CDH18: variants seen among roughly 807,000 people sequenced by gnomAD.
CDH18 encodes cadherin 18.
A neutral mutation model predicts 67.9 loss-of-function variants in CDH18; 31 were observed. The ratio of observed to expected loss-of-function variants is 0.46; its 90% CI spans 0.34 to 0.62. The LOEUF (loss-of-function observed/expected upper bound fraction) is 0.62, where lower values mean the gene tolerates loss of function less well. Ranked by LOEUF, CDH18 falls within the 20% of genes least tolerant of loss-of-function variation. CDH18 has a pLI of 0.01. For synonymous variants in CDH18, 362 were observed against 347.2 expected, an observed-to-expected ratio of 1.04 and a Z score of -0.48; for missense variants, 890 against 975.5, an observed-to-expected ratio of 0.91 and a Z score of 1.17.
intron 1 of CDH18, among the ~76,000 whole-genome samples, chr5:20,419,351 AC>A (rs1747632903): frequency 6.6e-6 from 1 of 151,190 alleles, no homozygotes; most frequent in Admixed American, 6.6e-5. Flanking sequence ...CTTCACCAGA[AC>A]CCAACCATGC....
At position 19,755,508 on chromosome 5, in the gene CDH18, C is replaced by T. The variant is rs1419923188; in HGVS notation, c.229-8272G>A. ...ATATATACACATATATATACACACACACATATATATATATGCCCTGTTAGT... is the reference window on the plus strand; with the variant it reads ...ATATATACACATATATATACACACATACATATATATATATGCCCTGTTAGT... On this transcript the variant is annotated intron_variant, in intron 3 of 12. Transcript: ENST00000382275. Among the ~76,000 whole-genome samples the T allele has an allele frequency of 9.6e-5, 10 of 103,810 alleles. No homozygotes were observed. In the East Asian group the frequency reaches 2.5e-3, roughly 26 times the overall value. 68.1% of individuals were successfully genotyped at this position (103,810 alleles called of 152,430 possible).
chr5:20,336,724 C>CAA lies in CDH18; in HGVS notation c.-579-81221_-579-81220dup, dbSNP rs59083214. ...GGCAACAGAGAGGGAGCCTCTGTCT[C>CAA]AAAAAAAAAAAAAAAAAAAAAAAAA... On this transcript the variant is annotated intron_variant, in intron 1 of 14. Coordinates refer to the CDH18 transcript ENST00000507958. 7.1e-4 allele frequency among the ~76,000 whole-genome samples: 45 copies of CAA among 63,476 alleles called. 2 individuals are homozygous for CAA. Among genetic ancestry groups the CAA allele is most frequent in the African/African-American group, 2.4e-3 (35 of 14,404 alleles). 41.6% of individuals were successfully genotyped at this position (63,476 alleles called of 152,430 possible).
At chr5:20,372,672 C>A (rs1476375399) in intron 1 of CDH18, among the ~76,000 whole-genome samples, 2 of 152,138 alleles carry the variant, frequency 1.3e-5, no homozygotes, top group East Asian at 3.9e-4. Context: ...ATTTTTCCAA[C>A]AGGGAGATAT....
intron 2 of CDH18, among the ~76,000 whole-genome samples, chr5:19,847,875 G>C (rs1348800661): frequency 6.6e-6 from 1 of 151,884 alleles, no homozygotes; most frequent in Non-Finnish European, 1.5e-5. Flanking sequence ...GCTCTTTCTG[G>C]TGTCTATATG....
At chr5:20,301,804 T>C (rs1735957041) in intron 1 of CDH18, among the ~76,000 whole-genome samples, 1 of 110,820 alleles carries the variant, frequency 9.0e-6, no homozygotes, top group African/African-American at 3.1e-5. Context: ...TTTTTTTTTT[T>C]TTTGGCATGC....
intron 2 of CDH18, among the ~76,000 whole-genome samples, chr5:20,164,526 C>T (rs542319150): frequency 1.4e-4 from 21 of 151,920 alleles, no homozygotes; most frequent in Admixed American, 1.2e-3. Context: ...CCGTCCAGGT[C>T]GGCCTCCCAA....
chr5:20,156,925 T>TC (rs1008439803), intron 2 of CDH18, among the ~76,000 whole-genome samples: 2 of 152,138 alleles, frequency 1.3e-5, no homozygotes, highest in Non-Finnish European at 2.9e-5. Flanking sequence ...GATATAGTAG[T>TC]CCCCCCTTAT....
chr5:19,713,631 T>C (rs1764988736), intron 5 of CDH18, among the ~76,000 whole-genome samples: 1 of 152,138 alleles, frequency 6.6e-6, no homozygotes, highest in Non-Finnish European at 1.5e-5. Flanking sequence ...AGTTATCTGA[T>C]ATCTATAGTG....
At chr5:20,369,568 G>C (rs1307270669) in intron 1 of CDH18, among the ~76,000 whole-genome samples, 2 of 152,158 alleles carry the variant, frequency 1.3e-5, no homozygotes, top group Non-Finnish European at 1.5e-5. Flanking sequence ...CACCGCAGTT[G>C]TTCCCATATT....
intron 1 of CDH18, among the ~76,000 whole-genome samples, chr5:20,456,801 G>A (rs1348974446): frequency 6.6e-6 from 1 of 152,086 alleles, no homozygotes; most frequent in Non-Finnish European, 1.5e-5. Flanking sequence ...AGTGTCTAAG[G>A]AAGAATGTAG....
At chr5:19,587,829 T>A (rs965613621) in intron 7 of CDH18, among the ~76,000 whole-genome samples, 2 of 152,072 alleles carry the variant, frequency 1.3e-5, no homozygotes, top group Non-Finnish European at 1.5e-5. Context: ...CTGAAGAATG[T>A]TAATGATAGT....
At chr5:19,970,595 T>C (rs1797928575) in intron 2 of CDH18, among the ~76,000 whole-genome samples, 1 of 151,666 alleles carries the variant, frequency 6.6e-6, no homozygotes, top group African/African-American at 2.4e-5. Flanking sequence ...TAAAAGGCTA[T>C]GTAGTGTTGT....
At chr5:20,023,413 G>T (rs903083756) in intron 2 of CDH18, among the ~76,000 whole-genome samples, 2 of 151,922 alleles carry the variant, frequency 1.3e-5, no homozygotes, top group Non-Finnish European at 2.9e-5. Flanking sequence ...AATAAGAAAG[G>T]TATTTATAGG....
chr5:19,577,247 G>T lies in CDH18; in HGVS notation c.1000-5415C>A, dbSNP rs143553288. Among the ~76,000 whole-genome samples, 440 of 152,182 alleles carry T rather than the reference G, an allele frequency of 2.9e-3. 1 individual carries two copies. The highest frequency in any genetic ancestry group is 3.3e-3 in the Non-Finnish European group (224 of 68,002). On this transcript the variant is annotated intron_variant, in intron 7 of 12. Transcript: ENST00000382275. Reference sequence around the variant, plus strand: ...ATATCTAAAAGAGAGAATTTTAAATGTTCTCACCACATGTAAATGATAAAT... The same window carrying T: ...ATATCTAAAAGAGAGAATTTTAAATTTTCTCACCACATGTAAATGATAAAT...
At chr5:20,278,052 T>C (rs933772287) in intron 1 of CDH18, among the ~76,000 whole-genome samples, 10 of 152,228 alleles carry the variant, frequency 6.6e-5, no homozygotes, top group Admixed American at 5.9e-4. Context: ...AATCTAATAG[T>C]TATTGGCCTT....
intron 6 of CDH18, among the ~76,000 whole-genome samples, chr5:19,593,245 T>C (rs1042055436): frequency 1.3e-5 from 2 of 152,160 alleles, no homozygotes; most frequent in South Asian, 2.1e-4. Context: ...CTTTATACTA[T>C]ATTCTGTAGA....
At chr5:20,172,224 G>GTATATATATGTATA (rs1561848682) in intron 2 of CDH18, among the ~76,000 whole-genome samples, 1 of 19,530 alleles carries the variant, frequency 5.1e-5, no homozygotes, top group Non-Finnish European at 9.4e-5. Context: ...ATATATATAT[G>GTATATATATGTATA]TATATATATA....
intron 2 of CDH18, among the ~76,000 whole-genome samples, chr5:19,950,080 T>C (rs1388417722): frequency 6.6e-6 from 1 of 151,464 alleles, no homozygotes; most frequent in African/African-American, 2.4e-5. Context: ...ATATATCCAA[T>C]GTGATATATA....
intron 2 of CDH18, among the ~76,000 whole-genome samples, chr5:20,208,330 A>C (rs141163039): frequency 3.3e-5 from 5 of 152,232 alleles, no homozygotes; most frequent in African/African-American, 1.2e-4. Context: ...CCTTGATTCA[A>C]TTGCCTTTCA....
Sources: allele counts gnomAD v4.1 joint callset (sites outside exome capture counted in the v4.1 genomes callset), GRCh38; gene constraint gnomAD v4.1.1; transcripts MANE v1.5; gene names NCBI Gene and HGNC (gene_info 2026-07-23, HGNC 2026-07-21).